The following MDH1 variants were observed in gnomAD, a reference collection of about 807,000 sequenced individuals.
MDH1 encodes the protein malate dehydrogenase, cytoplasmic.
Under a neutral mutation model 38.7 loss-of-function variants are expected in MDH1, and 15 were observed. The observed-to-expected ratio is 0.39, with a 90% CI of 0.26 to 0.60. The LOEUF (loss-of-function observed/expected upper bound fraction) is 0.60. MDH1 is among the 20% of genes least tolerant of loss of function. MDH1 has a pLI of 0.56. For missense variants in MDH1, 368 were observed against 405.2 expected (o/e 0.91, Z 0.79); for synonymous variants, 144 against 143.6 (o/e 1.00, Z -0.02).
rs375161098 is a variant in MDH1 at position 63,589,132 on chromosome 2, C to CAGCT, written c.3+87_3+90dup. Reference sequence around the variant, plus strand: ...TTGCACTTTAGGGACTTTTGGGAGGCAGCTGTGCAAGGCACTGTCCTTCGC... The same window carrying CAGCT: ...TTGCACTTTAGGGACTTTTGGGAGGCAGCTAGCTGTGCAAGGCACTGTCCTTCGC... On this transcript the variant is annotated intron_variant, in intron 1 of 8. Transcript: ENST00000233114. 2.2e-4 allele frequency: 351 copies of CAGCT among 1,613,934 alleles called. 1 individual carries two copies. The African/African-American group carries it at 4.1e-3, about 19-fold the overall frequency.
rs774742598 is a variant in MDH1, at chr2:63,595,412, C to A, written c.103-11C>A. 14 of 1,546,180 alleles carry A rather than the reference C, an allele frequency of 9.1e-6. No homozygotes were observed. Among genetic ancestry groups the A allele is most frequent in the Non-Finnish European group, 1.3e-5 (14 of 1,118,090 alleles). On this transcript the variant is annotated splice_polypyrimidine_tract_variant and intron_variant, in intron 2 of 8. Transcript: ENST00000233114. Reference sequence around the variant, plus strand: ...CCTACACTAACAGATGCTGTCCTTGCTATTTGGTAGCCTATAATTCTTGTG... The same window carrying A: ...CCTACACTAACAGATGCTGTCCTTGATATTTGGTAGCCTATAATTCTTGTG...
At chr2:63,594,405 G>T (rs1468395969) in intron 1 of MDH1, 83 bp from the exon 2 acceptor site, 2 of 1,042,230 alleles carry the variant, frequency 1.9e-6, no homozygotes, top group Non-Finnish European at 3.0e-6. Flanking sequence ...AAAGTATGTG[G>T]ATTTCTTACT....
intron 7 of MDH1, 83 bp from the exon 8 acceptor site, chr2:63,605,856 G>C: frequency 1.8e-6 from 2 of 1,100,780 alleles, no homozygotes; most frequent in Non-Finnish European, 2.8e-6. Context: ...AGTAAGAAAG[G>C]GTCACCTGGT....
At chr2:63,605,913 A>C (rs1344482395) in intron 7 of MDH1, 26 bp from the exon 8 acceptor site, 6 of 1,570,798 alleles carry the variant, frequency 3.8e-6, no homozygotes, top group Non-Finnish European at 5.3e-6. Context: ...AATCATCATG[A>C]GTATGTGAAA....
intron 5 of MDH1, among the ~76,000 whole-genome samples, chr2:63,602,493 T>C (rs918520175): frequency 3.9e-5 from 6 of 152,188 alleles, no homozygotes; most frequent in Middle Eastern, 3.4e-3. Flanking sequence ...AACCAGGAAG[T>C]TGATGAACTA....
chr2:63,606,836 CT>C (rs749232071), intron 8 of MDH1, 25 bp from the exon 9 acceptor site: 1 of 1,576,918 alleles, frequency 6.3e-7, no homozygotes, highest in South Asian at 1.2e-5. Context: ...CAGTTTAAAT[CT>C]CTTATTTGCA....
Position 63,597,455 on chromosome 2 carries a change from C to A in MDH1, c.256C>A (p.Leu86Ile). Residue 86 changes from leucine (L) to isoleucine (I), a missense_variant, in exon 4 of 9, where the codon CTT becomes ATT. Leu to Ile is a conservative substitution (Grantham distance 5, BLOSUM62 2). Coordinates refer to ENST00000233114, the MANE Select transcript of MDH1 (RefSeq NM_005917.4). ...CTTCAAAGACCTGGATGTGGCCATT[C>A]TTGTGGGCTCCATGCCAAGAAGGGA... Reference protein sequence around the residue: ...VAFKDLDVAILVGSMPRREGM... With the variant: ...VAFKDLDVAIIVGSMPRREGM... 6.6e-7 allele frequency: 1 copy of A among 1,505,988 alleles called. No individual in the cohort carries two copies. Among genetic ancestry groups the A allele is most frequent in the Non-Finnish European group, 8.9e-7 (1 of 1,120,392 alleles). 93.3% of individuals were successfully genotyped at this position (1,505,988 alleles called of 1,614,324 possible).
intron 1 of MDH1, 84 bp downstream of exon 1, chr2:63,589,130 G>A: frequency 6.2e-7 from 1 of 1,613,966 alleles, no homozygotes; most frequent in Non-Finnish European, 8.5e-7. Context: ...ACTTTTGGGA[G>A]GCAGCTGTGC....
chr2:63,604,125 C>A (rs1709483202), intron 5 of MDH1, among the ~76,000 whole-genome samples: 1 of 152,162 alleles, frequency 6.6e-6, no homozygotes, highest in African/African-American at 2.4e-5. Flanking sequence ...ATATATAAAA[C>A]CTCTTTCCTT....
chr2:63,605,871 T>C, intron 7 of MDH1, 68 bp from the exon 8 acceptor site: 1 of 1,293,102 alleles, frequency 7.7e-7, no homozygotes, highest in South Asian at 1.2e-5. Flanking sequence ...CCTGGTTTAA[T>C]TTTATTAGTT....
Position 63,597,398 on chromosome 2 carries a change from G to A in MDH1, c.200-1G>A. 1 of 1,405,482 alleles carries A rather than the reference G, an allele frequency of 7.1e-7. No individual in the cohort carries two copies. Among genetic ancestry groups the A allele is most frequent in the Non-Finnish European group, 9.4e-7 (1 of 1,068,384 alleles). The allele number at this position is 1,405,482 out of a possible 1,614,324, so 87.1% of individuals were successfully genotyped here. ...CTGCGTATTTATTGCCATGTCCACAGATGTCATCGCAACAGATAAAGAAGA... is the reference window on the plus strand; with the variant it reads ...CTGCGTATTTATTGCCATGTCCACAAATGTCATCGCAACAGATAAAGAAGA... On this transcript the variant is annotated splice_acceptor_variant, in intron 3 of 8. Coordinates refer to ENST00000233114, the MANE Select transcript of MDH1 (RefSeq NM_005917.4). LOFTEE classifies it high-confidence loss of function.
At chr2:63,605,777 G>T in intron 7 of MDH1, 162 bp from the exon 8 acceptor site, 1 of 652,510 alleles carries the variant, frequency 1.5e-6, no homozygotes, top group East Asian at 2.6e-5. Flanking sequence ...TAATATCCAT[G>T]AAAGTTACCT....
chr2:63,589,513 T>C (rs779226782), intron 1 of MDH1: 71 of 869,198 alleles, frequency 8.2e-5, no homozygotes, highest in Non-Finnish European at 5.6e-5. Flanking sequence ...TACCAGGTGC[T>C]CCAGATTACG....
At chr2:63,589,188 G>C (rs1709094435) in intron 1 of MDH1, 142 bp downstream of exon 1, 2 of 1,603,146 alleles carry the variant, frequency 1.2e-6, no homozygotes, top group Non-Finnish European at 1.7e-6. Context: ...TCATCTTCTG[G>C]GGATTGCCGC....
chr2:63,604,056 T>C (rs1709481740), intron 5 of MDH1, among the ~76,000 whole-genome samples: 1 of 152,152 alleles, frequency 6.6e-6, no homozygotes, highest in Non-Finnish European at 1.5e-5. Flanking sequence ...TAGCTAGAGA[T>C]TGTTACATAT....
chr2:63,603,721 G>T (rs952103765), intron 5 of MDH1, among the ~76,000 whole-genome samples: 2 of 143,736 alleles, frequency 1.4e-5, no homozygotes, highest in Non-Finnish European at 3.0e-5. Context: ...GCAGTGGTGC[G>T]ATCTTGGCTC....
At chr2:63,596,812 A>C (rs1278567279) in intron 3 of MDH1, among the ~76,000 whole-genome samples, 1 of 152,218 alleles carries the variant, frequency 6.6e-6, no homozygotes, top group East Asian at 1.9e-4. Flanking sequence ...ACTGGAGCAT[A>C]GTGGTTGAAC....
chr2:63,591,345 A>G (rs964987040), intron 1 of MDH1, among the ~76,000 whole-genome samples: 1 of 152,250 alleles, frequency 6.6e-6, no homozygotes, highest in Non-Finnish European at 1.5e-5. Context: ...TCAGACATTC[A>G]AACACTAAGC....
At chr2:63,606,733 C>T in intron 8 of MDH1, 129 bp from the exon 9 acceptor site, 3 of 462,692 alleles carry the variant, frequency 6.5e-6, no homozygotes, top group Admixed American at 4.5e-5. Context: ...TAATTAAAAT[C>T]TGGATTTTTA....
Sources: allele counts gnomAD v4.1 joint callset (sites outside exome capture counted in the v4.1 genomes callset), GRCh38; gene constraint gnomAD v4.1.1; transcripts MANE v1.5; gene names NCBI Gene and HGNC (gene_info 2026-07-23, HGNC 2026-07-21).